The following SMC2 variants were observed in gnomAD, a reference collection of about 807,000 sequenced individuals.
SMC2 encodes the protein structural maintenance of chromosomes 2, also known as structural maintenance of chromosomes protein 2.
Under a neutral mutation model 142.6 loss-of-function variants are expected in SMC2, and 41 were observed. The ratio of observed to expected loss-of-function variants is 0.29; its 90% CI spans 0.22 to 0.37. The LOEUF is 0.37. Among genes scored for constraint, SMC2 ranks in the 10% least tolerant of loss-of-function variants. SMC2 has a pLI of 1.00. For missense variants in SMC2, 1,265 were observed against 1,373.7 expected (o/e 0.92, Z 1.25); for synonymous variants, 463 against 457.5 (o/e 1.01, Z -0.15).
intron 10 of SMC2, among the ~76,000 whole-genome samples, 188 bp from the exon 11 acceptor site, chr9:104,113,128 T>C (rs1832679423): frequency 6.6e-6 from 1 of 152,164 alleles, no homozygotes. Context: ...AGTTTATACT[T>C]TGAGTAGTTT....
intron 22 of SMC2, among the ~76,000 whole-genome samples, chr9:104,133,859 G>C (rs906424593): frequency 3.9e-5 from 6 of 152,056 alleles, no homozygotes; most frequent in Non-Finnish European, 1.5e-5. Flanking sequence ...TAACAGATCT[G>C]GTCCTTTGAT....
intron 10 of SMC2, 37 bp downstream of exon 10, chr9:104,111,851 T>C (rs761521467): frequency 2.1e-6 from 3 of 1,432,736 alleles, no homozygotes; most frequent in Non-Finnish European, 1.9e-6. Context: ...ATTGCTTTTT[T>C]TTCCAAGAAG....
At chr9:104,094,027 G>C (rs998204129), upstream of SMC2, among the ~76,000 whole-genome samples, 5 of 152,214 alleles carry the variant, frequency 3.3e-5, no homozygotes, top group Admixed American at 6.5e-5. Context: ...GAGGGACCGA[G>C]GCGGGGCGGG....
intron 22 of SMC2, among the ~76,000 whole-genome samples, chr9:104,132,734 T>C (rs911302095): frequency 3.9e-5 from 6 of 152,128 alleles, no homozygotes; most frequent in Admixed American, 2.6e-4. Context: ...CTAAGACTTA[T>C]TTTCAGTGCT....
In SMC2 at chr9:104,129,855, T is replaced by C. The variant is rs771395434; in HGVS notation, c.2991+10T>C. The C allele has an allele frequency of 6.2e-7, 1 of 1,604,132 alleles. No individual in the cohort carries two copies. Among genetic ancestry groups the C allele is most frequent in the South Asian group, 1.1e-5 (1 of 90,788 alleles). ...AGAAGCTGAAGAGCGAGTAAGTCAA[T>C]TTCTTATGAATATCTGGCCGCATTA... On this transcript the variant is annotated intron_variant, in intron 21 of 24. Coordinates refer to ENST00000374793, the MANE Select transcript of SMC2 (RefSeq NM_006444.3).
chr9:104,106,198 A>G (rs1831756854), intron 9 of SMC2, among the ~76,000 whole-genome samples: 1 of 152,120 alleles, frequency 6.6e-6, no homozygotes, highest in Non-Finnish European at 1.5e-5. Context: ...ATATTCCACA[A>G]GAGACTGCCC....
At chr9:104,133,057 A>G (rs1326053322) in intron 22 of SMC2, among the ~76,000 whole-genome samples, 1 of 152,150 alleles carries the variant, frequency 6.6e-6, no homozygotes, top group Non-Finnish European at 1.5e-5. Context: ...TATCAGCATT[A>G]TATTCTTCCT....
chr9:104,102,390 C>T (rs778627652), intron 8 of SMC2, 34 bp from the exon 9 acceptor site: 2 of 1,561,878 alleles, frequency 1.3e-6, no homozygotes, highest in East Asian at 4.5e-5. Flanking sequence ...ACAAATTTTA[C>T]ATAAGTGATT....
intron 3 of SMC2, among the ~76,000 whole-genome samples, chr9:104,097,995 A>G (rs552504923): frequency 9.9e-5 from 15 of 152,196 alleles, no homozygotes; most frequent in Non-Finnish European, 2.2e-4. Flanking sequence ...CCTTTCTTTT[A>G]AATGGTCATA....
At chr9:104,112,601 T>C (rs887500931) in intron 10 of SMC2, among the ~76,000 whole-genome samples, 5 of 152,158 alleles carry the variant, frequency 3.3e-5, no homozygotes, top group Non-Finnish European at 1.5e-5. Context: ...ATAAGAACTC[T>C]CAATAGTAGA....
intron 13 of SMC2, among the ~76,000 whole-genome samples, chr9:104,115,670 T>C (rs1587945085): frequency 6.6e-6 from 1 of 152,170 alleles, no homozygotes; most frequent in African/African-American, 2.4e-5. Context: ...CATATTAACA[T>C]AGCCATTCAC....
rs1318789046 is a variant in SMC2, at chr9:104,095,535, A to C, written c.151A>C (p.Ile51Leu). The change falls in exon 2 of 25, where the codon ATC (isoleucine) becomes CTC (leucine). Residue 51 changes from isoleucine (I) to leucine (L), a missense_variant. By Grantham distance (5) the Ile-to-Leu change is conservative (BLOSUM62 2). Around this residue, in one of 4 missense-constraint regions of SMC2, gnomAD observed 168 missense variants for 184.8 expected, o/e 0.91. Transcript: ENST00000374793. The stretch of plus-strand genomic sequence containing the variant: ...GGACTCCATCTGCTTTTTGCTGGGC[A>C]TCTCCAACCTGTCTCAGGTAAAGTG... Reference protein sequence around the residue: ...ILDSICFLLGISNLSQVRASN... With the variant: ...ILDSICFLLGLSNLSQVRASN... The C allele has an allele frequency of 6.2e-7, 1 of 1,613,842 alleles. No individual in the cohort carries two copies. The highest frequency in any genetic ancestry group is 1.1e-5 in the South Asian group (1 of 91,064).
chr9:104,115,127 C>T (rs1031695484), intron 13 of SMC2, among the ~76,000 whole-genome samples: 21 of 152,210 alleles, frequency 1.4e-4, no homozygotes, highest in African/African-American at 4.3e-4. Context: ...TGTCAGTCTT[C>T]CCATCAAGGT....
upstream of SMC2, among the ~76,000 whole-genome samples, chr9:104,093,972 G>A (rs1490356872): frequency 1.3e-5 from 2 of 152,202 alleles, no homozygotes; most frequent in Non-Finnish European, 2.9e-5. Context: ...AGCCAGCACC[G>A]CAGACTGGAG....
chr9:104,088,517 C>T, the SMC2 span, among the ~76,000 whole-genome samples: 25 of 152,000 alleles, frequency 1.6e-4, no homozygotes, highest in Non-Finnish European at 3.2e-4. Context: ...TAGAAATACA[C>T]AAGGGGGAGA....
chr9:104,139,016 T>TGCCTCATATAACTATTTAAAG, intron 24 of SMC2, 123 bp from the exon 25 acceptor site: 1 of 523,466 alleles, frequency 1.9e-6, no homozygotes, highest in African/African-American at 2.0e-5. Flanking sequence ...TTCATTTAGG[T>TGCCTCATATAACTATTTAAAG]GCCTCATATA....
At chr9:104,114,587 T>C in intron 12 of SMC2, 104 bp from the exon 13 acceptor site, 1 of 1,034,122 alleles carries the variant, frequency 9.7e-7, no homozygotes, top group South Asian at 1.9e-5. Flanking sequence ...GATTCTACTT[T>C]CATTTCACTT....
At chr9:104,110,274 T>A (rs1409304486) in intron 9 of SMC2, among the ~76,000 whole-genome samples, 2 of 152,168 alleles carry the variant, frequency 1.3e-5, no homozygotes. Flanking sequence ...TACCATAGAT[T>A]GAGGTCTGCA....
intron 20 of SMC2, among the ~76,000 whole-genome samples, chr9:104,128,856 G>A (rs927579912): frequency 1.3e-5 from 2 of 152,100 alleles, no homozygotes; most frequent in African/African-American, 4.8e-5. Flanking sequence ...AATGTTTAGG[G>A]CAGTTTCTTA....
Sources: allele counts gnomAD v4.1 joint callset (sites outside exome capture counted in the v4.1 genomes callset), GRCh38; gene constraint gnomAD v4.1.1; regional missense constraint gnomAD v4.1.1; transcripts MANE v1.5; gene names NCBI Gene and HGNC (gene_info 2026-07-23, HGNC 2026-07-21).